The following RNGTT variants were observed in gnomAD, a reference collection of about 807,000 sequenced individuals.
The protein encoded by RNGTT is mRNA-capping enzyme.
Under a neutral mutation model 79.3 loss-of-function variants are expected in RNGTT, and 33 were observed. That is an observed-to-expected ratio of 0.42 (90% CI 0.32 to 0.56). RNGTT has a LOEUF of 0.56. Among genes scored for constraint, RNGTT ranks in the 20% least tolerant of loss-of-function variants. RNGTT has a pLI of 0.17. For synonymous variants in RNGTT, 222 were observed against 235.9 expected, an observed-to-expected ratio of 0.94 and a Z score of 0.54; for missense variants, 497 against 739.1, an observed-to-expected ratio of 0.67 and a Z score of 3.80.
intron 8 of RNGTT, among the ~76,000 whole-genome samples, chr6:88,878,465 A>T (rs1168202176): frequency 1.3e-5 from 2 of 152,166 alleles, no homozygotes; most frequent in Non-Finnish European, 2.9e-5. Context: ...ATCTACTTAC[A>T]TGATTTGAAA....
chr6:88,915,756 T>C (rs1437226302), intron 4 of RNGTT, among the ~76,000 whole-genome samples: 3 of 152,156 alleles, frequency 2.0e-5, no homozygotes, highest in Non-Finnish European at 4.4e-5. Context: ...TGTTACCCAC[T>C]GAACCTAAAA....
chr6:88,848,107 A>G (rs1250417028), intron 10 of RNGTT, among the ~76,000 whole-genome samples: 3 of 152,058 alleles, frequency 2.0e-5, no homozygotes, highest in Non-Finnish European at 4.4e-5. Context: ...AAAAAATAAG[A>G]AATATGTTAA....
chr6:88,731,196 G>A (rs927076511), intron 13 of RNGTT, among the ~76,000 whole-genome samples: 4 of 151,848 alleles, frequency 2.6e-5, no homozygotes, highest in Non-Finnish European at 4.4e-5. Context: ...ATAAAAACAA[G>A]GACAAAACAA....
At chr6:88,629,862 T>C (rs1772782052) in intron 14 of RNGTT, among the ~76,000 whole-genome samples, 1 of 152,226 alleles carries the variant, frequency 6.6e-6, no homozygotes, top group Non-Finnish European at 1.5e-5. Context: ...GTAAATGATA[T>C]GCTTGCCAGG....
At chr6:88,928,599 T>G (rs1418193017) in intron 4 of RNGTT, among the ~76,000 whole-genome samples, 2 of 152,244 alleles carry the variant, frequency 1.3e-5, no homozygotes, top group African/African-American at 4.8e-5. Flanking sequence ...GAATACTATA[T>G]AGAAGCAAAA....
At chr6:88,701,568 G>C (rs1582352838) in intron 13 of RNGTT, among the ~76,000 whole-genome samples, 1 of 89,974 alleles carries the variant, frequency 1.1e-5, no homozygotes, top group African/African-American at 1.7e-4. Context: ...GCAAGGCTCT[G>C]TGTTAAGTAT....
chr6:88,811,074 G>A (rs1780122632), intron 11 of RNGTT, among the ~76,000 whole-genome samples: 1 of 152,102 alleles, frequency 6.6e-6, no homozygotes, highest in African/African-American at 2.4e-5. Context: ...AATTACCCTA[G>A]ATGTTTTTAA....
At chr6:88,666,460 A>G (rs1330868411) in intron 14 of RNGTT, among the ~76,000 whole-genome samples, 4 of 152,242 alleles carry the variant, frequency 2.6e-5, no homozygotes, top group African/African-American at 7.2e-5. Context: ...CCCCTCATGC[A>G]GTGGTGACTT....
chr6:88,643,624 T>C (rs1029056705), intron 14 of RNGTT, among the ~76,000 whole-genome samples: 13 of 152,144 alleles, frequency 8.5e-5, no homozygotes, highest in African/African-American at 3.1e-4. Context: ...TCAGCAAATG[T>C]AAAAGAACAG....
At chr6:88,736,003 C>A (rs894709583) in intron 13 of RNGTT, among the ~76,000 whole-genome samples, 3 of 151,978 alleles carry the variant, frequency 2.0e-5, no homozygotes, top group Non-Finnish European at 2.9e-5. Context: ...AGGGACATCA[C>A]TATTAATCAC....
At chr6:88,629,226 A>C (rs1390349892) in intron 14 of RNGTT, among the ~76,000 whole-genome samples, 1 of 152,196 alleles carries the variant, frequency 6.6e-6, no homozygotes, top group African/African-American at 2.4e-5. Flanking sequence ...TGAGTAATAT[A>C]CAAAAATTTT....
chr6:88,831,508 C>T (rs1169993546), intron 11 of RNGTT, among the ~76,000 whole-genome samples: 1 of 152,218 alleles, frequency 6.6e-6, no homozygotes. Context: ...AAGCTGGAAG[C>T]ATTCCCTTTG....
At chr6:88,905,366 A>G (rs2086382735) in intron 5 of RNGTT, among the ~76,000 whole-genome samples, 2 of 152,336 alleles carry the variant, frequency 1.3e-5, no homozygotes, top group South Asian at 4.1e-4. Flanking sequence ...CATCAAAGAG[A>G]GGATAAGCAT....
intron 13 of RNGTT, among the ~76,000 whole-genome samples, chr6:88,742,252 A>G (rs1362281466): frequency 6.6e-6 from 1 of 152,234 alleles, no homozygotes; most frequent in East Asian, 1.9e-4. Flanking sequence ...GGGAAGGTCA[A>G]TAGCCCAAAG....
chr6:88,861,906 A>T (rs1782025108), intron 8 of RNGTT, among the ~76,000 whole-genome samples: 1 of 152,174 alleles, frequency 6.6e-6, no homozygotes. Flanking sequence ...GTCATTTTTC[A>T]TAGTATATAT....
intron 13 of RNGTT, among the ~76,000 whole-genome samples, chr6:88,725,339 C>T (rs993764901): frequency 1.3e-5 from 2 of 152,046 alleles, no homozygotes; most frequent in African/African-American, 4.8e-5. Context: ...ATTCTGTGTA[C>T]AGACCAAGGA....
chr6:88,949,879 G>A (rs1242941947), intron 1 of RNGTT, among the ~76,000 whole-genome samples: 1 of 152,214 alleles, frequency 6.6e-6, no homozygotes, highest in Non-Finnish European at 1.5e-5. Context: ...CCACTAAACA[G>A]CAGGATTTCA....
intron 2 of RNGTT, among the ~76,000 whole-genome samples, chr6:88,930,137 C>T (rs1165902231): frequency 7.1e-6 from 1 of 141,520 alleles, no homozygotes; most frequent in Non-Finnish European, 1.5e-5. Flanking sequence ...CGTATACATA[C>T]ATATACATAT....
intron 14 of RNGTT, among the ~76,000 whole-genome samples, chr6:88,616,311 C>A (rs894909045): frequency 6.6e-6 from 1 of 152,176 alleles, no homozygotes. Context: ...TTGCAAAGAA[C>A]GTGGGTGTGA....
Sources: allele counts gnomAD v4.1 joint callset (sites outside exome capture counted in the v4.1 genomes callset), GRCh38; gene constraint gnomAD v4.1.1; transcripts MANE v1.5; gene names NCBI Gene and HGNC (gene_info 2026-07-23, HGNC 2026-07-21).